The following CHST8 variants were observed in gnomAD, a reference collection of about 807,000 sequenced individuals.
CHST8 encodes the protein carbohydrate sulfotransferase 8.
In CHST8, 10 loss-of-function variants were observed where a neutral mutation model predicts 15.0. That is an observed-to-expected ratio of 0.67 (90% CI 0.41 to 1.13). The LOEUF (loss-of-function observed/expected upper bound fraction) is 1.13, where lower values mean the gene tolerates loss of function less well. Among genes scored for constraint, CHST8 ranks in the 50% most tolerant of loss-of-function variants. The pLI is 0.00. For missense variants in CHST8, 634 were observed against 608.2 expected (o/e 1.04, Z -0.45); for synonymous variants, 259 against 256.6 (o/e 1.01, Z -0.09).
intron 1 of CHST8, among the ~76,000 whole-genome samples, chr19:33,641,405 G>A (rs980074605): frequency 2.4e-4 from 36 of 152,130 alleles, no homozygotes; most frequent in African/African-American, 8.4e-4. Flanking sequence ...CTAGATCTCC[G>A]CCCCACCACC....
rs72103213 is a variant in CHST8 at position 33,765,053 on chromosome 19, C to CATATATAT, written c.131-6347_131-6340dup. Among the ~76,000 whole-genome samples, 9 of 87,682 alleles carry CATATATAT rather than the reference C, an allele frequency of 1.0e-4. 1 individual carries two copies. Among genetic ancestry groups the CATATATAT allele is most frequent in the African/African-American group, 3.6e-4 (6 of 16,612 alleles). The allele number at this position is 87,682 out of a possible 152,430, so 57.5% of individuals were successfully genotyped here. A position where few individuals can be genotyped will look rare whatever the true frequency, so the allele number is the denominator to read the frequency against. On this transcript the variant is annotated intron_variant, in intron 3 of 4. Coordinates refer to ENST00000650847, the MANE Select transcript of CHST8 (RefSeq NM_001127895.2). ...TTTTTATGGCTAAGTACTATTCCAT[C>CATATATAT]ATATATATATATATATATATCAGAG...
chr19:33,766,085 C>G (rs956502470), intron 3 of CHST8, among the ~76,000 whole-genome samples: 1 of 151,908 alleles, frequency 6.6e-6, no homozygotes, highest in East Asian at 1.9e-4. Flanking sequence ...GATTGCCAGC[C>G]CCCAGAATCA....
chr19:33,710,115 A>G lies in CHST8; in HGVS notation c.130+20724A>G, dbSNP rs369284160. Among the ~76,000 whole-genome samples, 30 of 152,202 alleles carry G rather than the reference A, an allele frequency of 2.0e-4. No individual in the cohort carries two copies. In the South Asian group the frequency reaches 6.2e-3, roughly 32 times the overall value. On this transcript the variant is annotated intron_variant, in intron 3 of 4. Transcript: ENST00000650847. ...GTCTTTCTAGGGCTTTGTTCATTTC[A>G]TTCAAGTTGTCTCATTTGTTTAGCA...
intron 3 of CHST8, among the ~76,000 whole-genome samples, chr19:33,756,739 A>G (rs1244098453): frequency 6.6e-6 from 1 of 152,172 alleles, no homozygotes; most frequent in African/African-American, 2.4e-5. Flanking sequence ...TAAGAACCTG[A>G]ATTTGTTTTC....
At chr19:33,685,354 C>CT (rs113246634) in intron 2 of CHST8, among the ~76,000 whole-genome samples, 24,210 of 143,072 alleles carry the variant, frequency 0.17, 2,154 homozygotes, top group Admixed American at 0.25. Context: ...TTAATTGGAT[C>CT]TTTTTTTTTT....
intron 1 of CHST8, among the ~76,000 whole-genome samples, chr19:33,623,844 C>A (rs1316748615): frequency 1.3e-5 from 2 of 152,156 alleles, no homozygotes; most frequent in African/African-American, 4.8e-5. Context: ...GCACAGAAGG[C>A]GGCGTGGGAG....
intron 1 of CHST8, among the ~76,000 whole-genome samples, chr19:33,643,647 T>C (rs1972312863): frequency 1.3e-5 from 2 of 152,230 alleles, no homozygotes; most frequent in South Asian, 2.1e-4. Flanking sequence ...CTAGGGCCTC[T>C]TCTATACTCT....
intron 3 of CHST8, among the ~76,000 whole-genome samples, chr19:33,720,003 C>T (rs1482874106): frequency 6.6e-6 from 1 of 152,034 alleles, no homozygotes; most frequent in Non-Finnish European, 1.5e-5. Context: ...TCTGGGAGAG[C>T]TTCGGCACTA....
At position 33,663,161 on chromosome 19, in the gene CHST8, C is replaced by G. The variant is rs532244477; in HGVS notation, c.-163-4606C>G. On this transcript the variant is annotated intron_variant, in intron 1 of 4. Transcript: ENST00000650847. ...CTGAAAAGTCACTTTCTGAAGTGAC[C>G]CCTGGACAAAGGATCCTTCTTCCTG... 2.0e-5 allele frequency among the ~76,000 whole-genome samples: 3 copies of G among 152,104 alleles called. No individual in the cohort carries two copies. In the South Asian group the frequency reaches 6.3e-4, roughly 32 times the overall value.
intron 1 of CHST8, among the ~76,000 whole-genome samples, chr19:33,638,134 G>A (rs1159065748): frequency 6.6e-6 from 1 of 152,038 alleles, no homozygotes; most frequent in African/African-American, 2.4e-5. Flanking sequence ...GATATCACTC[G>A]AGCTTTGTTT....
In CHST8 at chr19:33,746,607, T is replaced by C. The variant is rs565264083; in HGVS notation, c.131-24806T>C. On this transcript the variant is annotated intron_variant, in intron 3 of 4. Coordinates refer to ENST00000650847, the MANE Select transcript of CHST8 (RefSeq NM_001127895.2). ...TTATCAGTTTGCCTGTTGATGGGCATGTTCTTTGAGTTTCCTGACACAGCA... is the reference window on the plus strand; with the variant it reads ...TTATCAGTTTGCCTGTTGATGGGCACGTTCTTTGAGTTTCCTGACACAGCA... Among the ~76,000 whole-genome samples, 155 of 152,380 alleles carry C rather than the reference T, an allele frequency of 1.0e-3. 1 individual carries two copies. Among genetic ancestry groups the C allele is most frequent in the African/African-American group, 3.4e-3 (143 of 41,602 alleles).
intron 3 of CHST8, among the ~76,000 whole-genome samples, chr19:33,746,545 C>T (rs1029140119): frequency 6.6e-6 from 1 of 152,224 alleles, no homozygotes; most frequent in African/African-American, 2.4e-5. Flanking sequence ...TTCTTACAGG[C>T]AAGCAGTATT....
intron 3 of CHST8, among the ~76,000 whole-genome samples, chr19:33,757,512 A>G (rs1376784362): frequency 0.024 from 1,042 of 42,998 alleles, 229 homozygotes; most frequent in Middle Eastern, 0.057. Flanking sequence ...GAAAGAAAGA[A>G]AGAAAGAAAG....
intron 3 of CHST8, among the ~76,000 whole-genome samples, chr19:33,738,649 G>A (rs907078353): frequency 2.0e-5 from 3 of 152,150 alleles, no homozygotes; most frequent in African/African-American, 7.2e-5. Flanking sequence ...GAGTGCAGTG[G>A]TACGACCTCG....
intron 3 of CHST8, among the ~76,000 whole-genome samples, chr19:33,722,110 TGA>T (rs1568342631): frequency 1.8e-5 from 2 of 108,236 alleles, no homozygotes; most frequent in Non-Finnish European, 3.9e-5. Flanking sequence ...GATGGATGGA[TGA>T]AGGGATGGAT....
chr19:33,735,763 G>A (rs933541218), intron 3 of CHST8, among the ~76,000 whole-genome samples: 5 of 152,208 alleles, frequency 3.3e-5, no homozygotes, highest in African/African-American at 1.2e-4. Context: ...GAGGGTAGAG[G>A]TTGCAGTGAG....
intron 2 of CHST8, among the ~76,000 whole-genome samples, chr19:33,674,246 CCTGTGA>C (rs1391746861): frequency 6.6e-6 from 1 of 152,186 alleles, no homozygotes; most frequent in Non-Finnish European, 1.5e-5. Context: ...TCGCTGCTGG[CCTGTGA>C]AGGGGCCCTG....
At chr19:33,673,734 G>A (rs1009079458) in intron 2 of CHST8, among the ~76,000 whole-genome samples, 3 of 152,190 alleles carry the variant, frequency 2.0e-5, no homozygotes, top group African/African-American at 7.2e-5. Flanking sequence ...CTAGGCTCTA[G>A]CTGAGACCCT....
intron 3 of CHST8, among the ~76,000 whole-genome samples, chr19:33,765,687 G>C (rs777055325): frequency 6.6e-6 from 1 of 151,924 alleles, no homozygotes; most frequent in Non-Finnish European, 1.5e-5. Flanking sequence ...TCAGCCTTTC[G>C]AGTAGCTGGG....
Sources: gnomAD v4.1 joint callset for allele counts (sites outside exome capture counted in the v4.1 genomes callset) on GRCh38, gnomAD v4.1.1 for gene constraint, MANE v1.5 for transcripts, NCBI Gene and HGNC (gene_info 2026-07-23, HGNC 2026-07-21) for gene names.